Variants in TNIK observed in about 807,000 individuals in gnomAD.
TNIK encodes the protein TRAF2 and NCK interacting kinase.
Under a neutral mutation model 191.3 loss-of-function variants are expected in TNIK, and 49 were observed. That is an observed-to-expected ratio of 0.26 (90% CI 0.20 to 0.32). The LOEUF is 0.32. Ranked by LOEUF, TNIK falls within the 10% of genes least tolerant of loss-of-function variation. The pLI, the probability that TNIK is intolerant of heterozygous loss-of-function variation, is 1.00. For synonymous variants in TNIK, 594 were observed against 600.9 expected, an observed-to-expected ratio of 0.99 and a Z score of 0.17; for missense variants, 1,155 against 1,702.3, an observed-to-expected ratio of 0.68 and a Z score of 5.66.
At chr3:171,287,283 A>G (rs560587040) in intron 2 of TNIK, among the ~76,000 whole-genome samples, 1 of 152,382 alleles carries the variant, frequency 6.6e-6, no homozygotes, top group East Asian at 1.9e-4. Context: ...ACTATTAGTT[A>G]TGTTGTCAAG....
chr3:171,346,634 G>A (rs1045431635), intron 2 of TNIK, among the ~76,000 whole-genome samples: 2 of 152,142 alleles, frequency 1.3e-5, no homozygotes, highest in Non-Finnish European at 2.9e-5. Flanking sequence ...CCGGGGGTAT[G>A]AAAGCCCAAA....
At chr3:171,210,197 G>A (rs191257451) in intron 4 of TNIK, among the ~76,000 whole-genome samples, 3 of 152,180 alleles carry the variant, frequency 2.0e-5, no homozygotes, top group African/African-American at 7.2e-5. Flanking sequence ...GAAGGTAGAG[G>A]GAAGAAGAAA....
At chr3:171,251,549 C>T (rs190484589) in intron 2 of TNIK, among the ~76,000 whole-genome samples, 25 of 152,228 alleles carry the variant, frequency 1.6e-4, no homozygotes, top group Admixed American at 1.5e-3. Flanking sequence ...GCAAGGTGCT[C>T]CTTATTAGGA....
At chr3:171,108,456 T>C (rs2108494093) in intron 19 of TNIK, among the ~76,000 whole-genome samples, 1 of 152,284 alleles carries the variant, frequency 6.6e-6, no homozygotes, top group Admixed American at 6.5e-5. Flanking sequence ...GCTTTCCATG[T>C]CAATTATCTC....
At chr3:171,315,259 C>T (rs1217454627) in intron 2 of TNIK, among the ~76,000 whole-genome samples, 1 of 152,144 alleles carries the variant, frequency 6.6e-6, no homozygotes, top group Non-Finnish European at 1.5e-5. Context: ...CCACACGGGC[C>T]ATTATTCAGC....
intron 2 of TNIK, among the ~76,000 whole-genome samples, chr3:171,304,214 T>C (rs543314424): frequency 6.6e-6 from 1 of 152,102 alleles, no homozygotes; most frequent in South Asian, 2.1e-4. Flanking sequence ...GTGCCAAGAA[T>C]GTGAAAGCCC....
At chr3:171,134,470 C>A (rs1729705017) in intron 15 of TNIK, among the ~76,000 whole-genome samples, 4 of 152,172 alleles carry the variant, frequency 2.6e-5, no homozygotes, top group Middle Eastern at 3.4e-3. Context: ...TCTGTAGAGA[C>A]ACGGTTTCAC....
intron 22 of TNIK, among the ~76,000 whole-genome samples, chr3:171,100,636 C>T (rs371343607): frequency 1.3e-5 from 2 of 150,640 alleles, no homozygotes; most frequent in South Asian, 4.2e-4. Flanking sequence ...GCACAAACAC[C>T]TTGTGCTTAC....
At chr3:171,193,163 G>C (rs1738265212) in intron 5 of TNIK, among the ~76,000 whole-genome samples, 1 of 151,994 alleles carries the variant, frequency 6.6e-6, no homozygotes, top group South Asian at 2.1e-4. Flanking sequence ...TGTTCCTTTG[G>C]CCATTGTCTA....
At chr3:171,158,857 T>C (rs1015590135) in intron 11 of TNIK, among the ~76,000 whole-genome samples, 1 of 151,980 alleles carries the variant, frequency 6.6e-6, no homozygotes, top group African/African-American at 2.4e-5. Flanking sequence ...AAGGAAGCAG[T>C]TGATGAAGAA....
chr3:171,136,399 T>C (rs1312580093), intron 15 of TNIK, among the ~76,000 whole-genome samples: 12 of 152,172 alleles, frequency 7.9e-5, no homozygotes, highest in African/African-American at 2.7e-4. Context: ...TTTGGAGACG[T>C]TGGGAGAAGA....
intron 15 of TNIK, among the ~76,000 whole-genome samples, chr3:171,130,835 AG>A (rs1729140221): frequency 6.6e-6 from 1 of 152,210 alleles, no homozygotes; most frequent in African/African-American, 2.4e-5. Flanking sequence ...ATGCAGAGTG[AG>A]GAATACTTGT....
At chr3:171,180,778 A>G (rs1736554840) in intron 7 of TNIK, among the ~76,000 whole-genome samples, 1 of 152,192 alleles carries the variant, frequency 6.6e-6, no homozygotes, top group South Asian at 2.1e-4. Flanking sequence ...AACTAGCATC[A>G]CAATCTAAGG....
chr3:171,145,717 G>A (rs189227135), intron 12 of TNIK, among the ~76,000 whole-genome samples: 5 of 151,144 alleles, frequency 3.3e-5, no homozygotes, highest in African/African-American at 4.9e-5. Flanking sequence ...GTCATTAGAG[G>A]TCTAGTTTTA....
Position 171,101,650 on chromosome 3 carries a change from T to A in TNIK, c.2407-17A>T, listed in dbSNP as rs780608170. 2 of 1,611,286 alleles carry A rather than the reference T, an allele frequency of 1.2e-6. No homozygotes were observed. Among genetic ancestry groups the A allele is most frequent in the African/African-American group, 2.7e-5 (2 of 74,670 alleles). ...CGTCAGATCCTATGAAAGAAAAATT[T>A]GTTCAGCATATGAGTGGTAGATACG... On this transcript the variant is annotated splice_polypyrimidine_tract_variant and intron_variant, in intron 21 of 32. Transcript: ENST00000436636.
intron 2 of TNIK, among the ~76,000 whole-genome samples, chr3:171,351,582 C>T (rs114334170): frequency 2.7e-3 from 417 of 152,156 alleles, no homozygotes; most frequent in African/African-American, 9.7e-3. Flanking sequence ...AGAGAAAGTT[C>T]CAAAATATCT....
chr3:171,397,005 A>T (rs530249602), intron 1 of TNIK, among the ~76,000 whole-genome samples: 1 of 152,334 alleles, frequency 6.6e-6, no homozygotes, highest in South Asian at 2.1e-4. Context: ...AATTAAATCT[A>T]CTTCTCACCA....
At chr3:171,133,949 T>TA (rs1180076636) in intron 15 of TNIK, among the ~76,000 whole-genome samples, 7 of 152,088 alleles carry the variant, frequency 4.6e-5, no homozygotes, top group Admixed American at 4.6e-4. Context: ...GATGGAGTGC[T>TA]AAAAAAATTA....
intron 2 of TNIK, among the ~76,000 whole-genome samples, chr3:171,289,115 T>C (rs1169980484): frequency 6.6e-6 from 1 of 152,138 alleles, no homozygotes; most frequent in Non-Finnish European, 1.5e-5. Context: ...GCTTCACAAA[T>C]AGCTCATTAG....
Sources: gnomAD v4.1 joint callset for allele counts (sites outside exome capture counted in the v4.1 genomes callset) on GRCh38, gnomAD v4.1.1 for gene constraint, MANE v1.5 for transcripts, NCBI Gene and HGNC (gene_info 2026-07-23, HGNC 2026-07-21) for gene names.